RPL24: variants seen among roughly 807,000 people sequenced by gnomAD.
The protein encoded by RPL24 is ribosomal protein L24, also known as large ribosomal subunit protein eL24.
In RPL24, 7 loss-of-function variants were observed where a neutral mutation model predicts 26.4. The observed-to-expected ratio is 0.27, with a 90% CI of 0.15 to 0.50. The LOEUF (loss-of-function observed/expected upper bound fraction) is 0.50. RPL24 is among the 20% of genes least tolerant of loss of function. RPL24 has a pLI of 0.98. For missense variants in RPL24, 109 were observed against 194.9 expected (o/e 0.56, Z 2.62); for synonymous variants, 67 against 65.2 (o/e 1.03, Z -0.13).
chr3:101,684,731 T>TCCTGC (rs1227102629), intron 3 of RPL24, among the ~76,000 whole-genome samples: 1 of 119,934 alleles, frequency 8.3e-6, no homozygotes, highest in Non-Finnish European at 1.6e-5. Context: ...TGAGCTGTGA[T>TCCTGC]CCTGCCACTG....
At position 101,686,658 on chromosome 3, in the gene RPL24, C is replaced by T. The variant is rs1421221851; in HGVS notation, c.5+14G>A. ...GAGGATGTAAGCGGATTGGGAACCA[C>T]GGGTCGTGCTTACTTCATGGCGACA... On this transcript the variant is annotated intron_variant, in intron 1 of 5. Coordinates refer to ENST00000394077, the MANE Select transcript of RPL24 (RefSeq NM_000986.4). 6 of 1,614,096 alleles carry T rather than the reference C, an allele frequency of 3.7e-6. No homozygotes were observed. The highest frequency in any genetic ancestry group is 5.1e-6 in the Non-Finnish European group (6 of 1,180,040).
intron 5 of RPL24, 171 bp from the exon 6 acceptor site, chr3:101,681,386 TACAATGAAAG>T: frequency 1.7e-6 from 1 of 602,124 alleles, no homozygotes; most frequent in Non-Finnish European, 3.0e-6. Context: ...AGCCCATCTT[TACAATGAAAG>T]ACAAAGACTA....
At chr3:101,686,040 A>C (rs1241465974) in intron 2 of RPL24, 112 bp from the exon 3 acceptor site, 1 of 713,300 alleles carries the variant, frequency 1.4e-6, no homozygotes, top group African/African-American at 1.8e-5. Flanking sequence ...ATCATTTTAC[A>C]AAACTGAGGC....
chr3:101,682,621 A>C (rs1937277937), intron 4 of RPL24, 129 bp from the exon 5 acceptor site: 5 of 1,134,804 alleles, frequency 4.4e-6, no homozygotes, highest in South Asian at 4.3e-5. Context: ...ATTTATTTGT[A>C]GGCTAAATCC....
intron 3 of RPL24, among the ~76,000 whole-genome samples, chr3:101,683,132 T>C (rs1937283161): frequency 6.6e-6 from 1 of 152,158 alleles, no homozygotes; most frequent in Admixed American, 6.6e-5. Flanking sequence ...CACAAAAAAT[T>C]GAACTCTAAG....
chr3:101,686,475 T>C lies in RPL24; in HGVS notation c.81+7A>G, dbSNP rs1286950931. The C allele has an allele frequency of 2.5e-5, 41 of 1,613,358 alleles. No individual in the cohort carries two copies. The highest frequency in any genetic ancestry group is 3.5e-5 in the Non-Finnish European group (41 of 1,179,608). On this transcript the variant is annotated splice_region_variant and intron_variant, in intron 2 of 5. Transcript: ENST00000394077. ...AGAAGGTAGGTGAAGCCGACGCGGC[T>C]TTTTACCTTCCCGTCGGTCCTGGCG...
At chr3:101,683,389 T>C (rs1225985375) in intron 3 of RPL24, among the ~76,000 whole-genome samples, 1 of 152,214 alleles carries the variant, frequency 6.6e-6, no homozygotes, top group Non-Finnish European at 1.5e-5. Context: ...ACAGTGTTTA[T>C]GAGAAAAAGA....
intron 3 of RPL24, among the ~76,000 whole-genome samples, chr3:101,684,776 CAAAAAAAAAA>C (rs57278210): frequency 0.019 from 1,021 of 53,174 alleles, 89 homozygotes; most frequent in African/African-American, 0.034. Flanking sequence ...CCTGTCTCCC[CAAAAAAAAAA>C]AAAAAAAAAA....
At chr3:101,684,595 A>G (rs889003631) in intron 3 of RPL24, among the ~76,000 whole-genome samples, 2 of 152,010 alleles carry the variant, frequency 1.3e-5, no homozygotes, top group South Asian at 2.1e-4. Context: ...ATTGGGCAAC[A>G]TCGCAAAGAT....
rs57278210 is a variant in RPL24, at chr3:101,684,776, C to CAAAAAAAAAAAAAAAAAA, written c.192+1024_192+1041dup. Among the ~76,000 whole-genome samples, 77 of 53,212 alleles carry CAAAAAAAAAAAAAAAAAA rather than the reference C, an allele frequency of 1.4e-3. 14 individuals are homozygous for CAAAAAAAAAAAAAAAAAA. The highest frequency in any genetic ancestry group is 2.1e-3 in the South Asian group (2 of 954). The allele number at this position is 53,212 out of a possible 152,430, so 34.9% of individuals were successfully genotyped here. A position where few individuals can be genotyped will look rare whatever the true frequency, so the allele number is the denominator to read the frequency against. On this transcript the variant is annotated intron_variant, in intron 3 of 5. Transcript: ENST00000394077. ...CTGAGCAACAGAGGACCTGTCTCCC[C>CAAAAAAAAAAAAAAAAAA]AAAAAAAAAAAAAAAAAAAAAAAAA... is the stretch of plus-strand genomic sequence containing the variant.
chr3:101,683,037 A>T, intron 3 of RPL24, 130 bp from the exon 4 acceptor site: 1 of 842,326 alleles, frequency 1.2e-6, no homozygotes, highest in Non-Finnish European at 1.8e-6. Flanking sequence ...AATAATTCAT[A>T]TATTTGAAAT....
chr3:101,681,189 T>C lies in RPL24; in HGVS notation c.420A>G (p.Gln140=). The stretch of plus-strand genomic sequence containing the variant: ...AAACTTTCACAGGCTTCACAATCTT[T>C]TGCTTAGGTGCTGCCTTTGTAGGTG... The part of the protein sequence containing the change: ...AKAPTKAAPK[Q]KIVKPVKVSA... Residue 140 remains glutamine, a synonymous_variant, in exon 6 of 6, where the codon CAA becomes CAG. Coordinates refer to ENST00000394077, the MANE Select transcript of RPL24 (RefSeq NM_000986.4). The C allele has an allele frequency of 6.2e-7, 1 of 1,613,922 alleles. No individual in the cohort carries two copies. Among genetic ancestry groups the C allele is most frequent in the Non-Finnish European group, 8.5e-7 (1 of 1,179,798 alleles).
chr3:101,682,181 G>T, intron 5 of RPL24: 1 of 438,618 alleles, frequency 2.3e-6, no homozygotes. Flanking sequence ...GTGAAACCCT[G>T]TCTCTACTTA....
At position 101,686,705 on chromosome 3, in the gene RPL24, T is replaced by G; in HGVS notation, c.-29A>C. The G allele has an allele frequency of 6.2e-7, 1 of 1,614,092 alleles. No individual in the cohort carries two copies. The highest frequency in any genetic ancestry group is 1.1e-5 in the South Asian group (1 of 91,086). ...GACAGCTCCACGGAAAGACAAAAGA[T>G]GGCGAAAAGAAAGAGAGAATCATGG... On this transcript the variant is annotated 5_prime_UTR_variant, in exon 1 of 6. Transcript: ENST00000394077.
At chr3:101,686,590 G>C in intron 1 of RPL24, 33 bp from the exon 2 acceptor site, 7 of 1,613,938 alleles carry the variant, frequency 4.3e-6, no homozygotes, top group Non-Finnish European at 5.9e-6. Context: ...ATCAGGGAGG[G>C]TGTCTACAGC....
chr3:101,683,935 C>T (rs1178808524), intron 3 of RPL24, among the ~76,000 whole-genome samples: 4 of 152,076 alleles, frequency 2.6e-5, no homozygotes, highest in Admixed American at 6.6e-5. Flanking sequence ...TGGTCTCTAA[C>T]GCCTGAGCTC....
In RPL24 at chr3:101,682,466, T is replaced by C. The variant is rs1215200862; in HGVS notation, c.356A>G (p.Lys119Arg). Residue 119 changes from lysine to arginine, a missense_variant, in exon 5 of 6, where the codon AAG (lysine) becomes AGG (arginine). Lys to Arg is a conservative substitution (Grantham distance 26). Coordinates refer to ENST00000394077, the MANE Select transcript of RPL24 (RefSeq NM_000986.4). ...CATTGCAGTCTTTTTAGATGCTTGC[T>C]TAGCCTTTTTTGCTTCCTTAGCAGC... ...IRAAKEAKKA[K>R]QASKKTAMAA... is the part of the protein sequence containing the mutation. The C allele has an allele frequency of 1.2e-6, 2 of 1,614,094 alleles. No homozygotes were observed. Among genetic ancestry groups the C allele is most frequent in the Middle Eastern group, 3.3e-4 (2 of 6,062 alleles).
At chr3:101,685,700 C>T in intron 3 of RPL24, 118 bp downstream of exon 3, 1 of 545,862 alleles carries the variant, frequency 1.8e-6, no homozygotes, top group Non-Finnish European at 3.4e-6. Flanking sequence ...TGACGCTTTA[C>T]AGTTTAAGAG....
intron 5 of RPL24, 73 bp downstream of exon 5, chr3:101,682,356 G>T (rs369317215): frequency 8.4e-7 from 1 of 1,192,462 alleles, no homozygotes; most frequent in South Asian, 1.2e-5. Flanking sequence ...GGGCAACAGA[G>T]CAAGACTCCG....
Sources: allele counts gnomAD v4.1 joint callset (sites outside exome capture counted in the v4.1 genomes callset), GRCh38; gene constraint gnomAD v4.1.1; transcripts MANE v1.5; gene names NCBI Gene and HGNC (gene_info 2026-07-23, HGNC 2026-07-21).